The following ADGRL3 variants were observed in gnomAD, a reference collection of about 807,000 sequenced individuals.
The protein encoded by ADGRL3 is calcium-independent alpha-latrotoxin receptor 3.
In ADGRL3, 62 loss-of-function variants were observed where a neutral mutation model predicts 153.5. The ratio of observed to expected loss-of-function variants is 0.40; its 90% CI spans 0.33 to 0.50. ADGRL3 has a LOEUF of 0.50. ADGRL3 is among the 20% of genes least tolerant of loss of function. The probability of loss-of-function intolerance (pLI) is 0.47; values close to 1 mark genes in which losing one functional copy is unlikely to be tolerated. For missense variants in ADGRL3, 1,641 were observed against 1,859.4 expected (o/e 0.88, Z 2.16); for synonymous variants, 710 against 672.5 (o/e 1.06, Z -0.86).
chr4:61,610,075 A>G (rs2099047104), intron 5 of ADGRL3, among the ~76,000 whole-genome samples: 1 of 151,808 alleles, frequency 6.6e-6, no homozygotes, highest in Admixed American at 6.6e-5. Context: ...TGTGTGTATG[A>G]AGTCTAATGA....
At chr4:61,644,813 G>C (rs2093884067) in intron 5 of ADGRL3, among the ~76,000 whole-genome samples, 1 of 152,134 alleles carries the variant, frequency 6.6e-6, no homozygotes. Context: ...GCTTGGTATA[G>C]AGCTGAGTTC....
At chr4:62,060,722 T>C (rs1739619724) in intron 25 of ADGRL3, among the ~76,000 whole-genome samples, 1 of 151,926 alleles carries the variant, frequency 6.6e-6, no homozygotes, top group African/African-American at 2.4e-5. Flanking sequence ...GTACAATTTT[T>C]CATTTTTTTG....
intron 19 of ADGRL3, among the ~76,000 whole-genome samples, chr4:61,995,190 C>A (rs964869898): frequency 1.3e-5 from 2 of 149,842 alleles, no homozygotes; most frequent in African/African-American, 2.5e-5. Context: ...AGATGTGAGA[C>A]ACCACACCCA....
intron 5 of ADGRL3, among the ~76,000 whole-genome samples, chr4:61,655,386 G>A (rs2094414617): frequency 6.6e-6 from 1 of 151,844 alleles, no homozygotes; most frequent in South Asian, 2.1e-4. Context: ...TTTAATAAAA[G>A]CAAAAGTATA....
intron 2 of ADGRL3, among the ~76,000 whole-genome samples, chr4:61,394,038 T>A (rs1179983164): frequency 1.3e-5 from 2 of 152,060 alleles, no homozygotes; most frequent in Admixed American, 1.3e-4. Context: ...TTGTGAAAAC[T>A]TTGCAGAATT....
chr4:61,353,843 A>G (rs990943407), intron 1 of ADGRL3, among the ~76,000 whole-genome samples: 2 of 151,842 alleles, frequency 1.3e-5, no homozygotes, highest in African/African-American at 4.8e-5. Context: ...GGGCATAAAT[A>G]TGTGTGTTAC....
At chr4:61,637,289 AG>A (rs1162162311) in intron 5 of ADGRL3, among the ~76,000 whole-genome samples, 3 of 152,196 alleles carry the variant, frequency 2.0e-5, no homozygotes, top group Non-Finnish European at 4.4e-5. Context: ...ACACACACAT[AG>A]GTAGAAAACC....
chr4:61,274,358 A>G lies in ADGRL3; in HGVS notation c.-240+72593A>G, dbSNP rs545462409. ...AGGAGTTACTTTCAAATTGTATCCCATTAATGGAAGACAAGAAGAGAAGAA... is the reference window on the plus strand; with the variant it reads ...AGGAGTTACTTTCAAATTGTATCCCGTTAATGGAAGACAAGAAGAGAAGAA... On this transcript the variant is annotated intron_variant, in intron 1 of 26. Transcript: ENST00000683033. 4.6e-5 allele frequency among the ~76,000 whole-genome samples: 7 copies of G among 152,330 alleles called. No homozygotes were observed. The South Asian group carries it at 1.0e-3, about 23-fold the overall frequency.
intron 8 of ADGRL3, among the ~76,000 whole-genome samples, chr4:61,749,648 G>A (rs2096725656): frequency 6.6e-6 from 1 of 150,880 alleles, no homozygotes; most frequent in African/African-American, 2.4e-5. Context: ...TCATAGGTGG[G>A]AATTGAACAA....
At chr4:61,529,383 A>G (rs1319396600) in intron 4 of ADGRL3, among the ~76,000 whole-genome samples, 4 of 152,176 alleles carry the variant, frequency 2.6e-5, no homozygotes, top group African/African-American at 7.2e-5. Context: ...CATGTATTAT[A>G]GTTAGGCTAA....
At chr4:61,485,968 G>A (rs1484213818) in intron 2 of ADGRL3, among the ~76,000 whole-genome samples, 3 of 151,500 alleles carry the variant, frequency 2.0e-5, no homozygotes, top group African/African-American at 7.3e-5. Context: ...TCCTTTGATG[G>A]AGTCTCGCTC....
intron 8 of ADGRL3, among the ~76,000 whole-genome samples, chr4:61,753,149 G>C (rs993955273): frequency 6.6e-5 from 10 of 151,000 alleles, no homozygotes; most frequent in African/African-American, 2.4e-4. Context: ...ACACCATAAA[G>C]GTAGAAATAG....
intron 2 of ADGRL3, among the ~76,000 whole-genome samples, chr4:61,465,373 C>T (rs773514491): frequency 1.3e-5 from 2 of 151,908 alleles, no homozygotes; most frequent in Admixed American, 6.6e-5. Flanking sequence ...AAAAATAGTT[C>T]GTATAGTTCT....
intron 2 of ADGRL3, among the ~76,000 whole-genome samples, chr4:61,459,302 A>G (rs1193558119): frequency 6.6e-6 from 1 of 151,910 alleles, no homozygotes; most frequent in Non-Finnish European, 1.5e-5. Context: ...TATTCTGGCT[A>G]TAGGGACAAA....
chr4:61,892,102 T>TACTC (rs939147759), intron 9 of ADGRL3, among the ~76,000 whole-genome samples: 2 of 152,070 alleles, frequency 1.3e-5, no homozygotes, highest in African/African-American at 4.8e-5. Flanking sequence ...ATCACTAAGC[T>TACTC]ACTCCAGTTT....
intron 2 of ADGRL3, among the ~76,000 whole-genome samples, chr4:61,453,843 A>G (rs935795739): frequency 7.2e-5 from 11 of 152,104 alleles, no homozygotes; most frequent in Admixed American, 2.0e-4. Context: ...TAGCTTCTTT[A>G]ATTAATTTTA....
chr4:61,901,352 T>G (rs776825449), intron 11 of ADGRL3, among the ~76,000 whole-genome samples: 1 of 152,180 alleles, frequency 6.6e-6, no homozygotes, highest in Non-Finnish European at 1.5e-5. Flanking sequence ...CATTTGACAT[T>G]TTACAGTATT....
intron 9 of ADGRL3, among the ~76,000 whole-genome samples, chr4:61,877,661 C>T (rs986510080): frequency 1.3e-5 from 2 of 152,156 alleles, no homozygotes; most frequent in Admixed American, 1.3e-4. Context: ...AAAGTCCAAG[C>T]TTCAACTGTC....
intron 5 of ADGRL3, among the ~76,000 whole-genome samples, chr4:61,637,693 G>A (rs1056080529): frequency 5.3e-5 from 8 of 152,070 alleles, no homozygotes; most frequent in Non-Finnish European, 1.0e-4. Flanking sequence ...CCCGGGAGGT[G>A]GAAGTTGCAG....
Sources: allele counts gnomAD v4.1 joint callset (sites outside exome capture counted in the v4.1 genomes callset), GRCh38; gene constraint gnomAD v4.1.1; transcripts MANE v1.5; gene names NCBI Gene and HGNC (gene_info 2026-07-23, HGNC 2026-07-21).